The following GALNT13 variants were observed in gnomAD, a reference collection of about 807,000 sequenced individuals.
GALNT13 encodes polypeptide N-acetylgalactosaminyltransferase 13, also known as UDP-GalNAc:polypeptide N-acetylgalactosaminyltransferase 13.
Under a neutral mutation model 64.2 loss-of-function variants are expected in GALNT13, and 28 were observed. That is an observed-to-expected ratio of 0.44 (90% CI 0.32 to 0.60). The LOEUF is 0.60. Ranked by LOEUF, GALNT13 falls within the 20% of genes least tolerant of loss-of-function variation. The pLI is 0.05. For synonymous variants in GALNT13, 214 were observed against 224.6 expected (o/e 0.95, Z 0.42); for missense variants, 577 against 669.8 (o/e 0.86, Z 1.53).
intron 11 of GALNT13, chr2:154,437,699 C>T (rs1460734307): frequency 4.5e-6 from 2 of 444,948 alleles, no homozygotes; most frequent in East Asian, 1.5e-4. Context: ...TACTAAAATA[C>T]AAAACATTAG....
At chr2:153,873,483 G>A (rs995669622) in intron 1 of GALNT13, among the ~76,000 whole-genome samples, 6 of 152,212 alleles carry the variant, frequency 3.9e-5, no homozygotes, top group Non-Finnish European at 4.4e-5. Context: ...GCAGAAGAAC[G>A]GACAGTGAGC....
intron 3 of GALNT13, among the ~76,000 whole-genome samples, chr2:153,983,599 T>A (rs1694610783): frequency 6.6e-6 from 1 of 151,954 alleles, no homozygotes; most frequent in Non-Finnish European, 1.5e-5. Flanking sequence ...AGATTTAAGC[T>A]TTAAGTATTC....
rs1324678564 is a variant in GALNT13 at position 154,453,494 on chromosome 2, C to T, written c.*2943C>T. On this transcript the variant is annotated 3_prime_UTR_variant, in exon 13 of 13. Transcript: ENST00000392825. ...GTTCCCTCTGCCCCAGAGAGCTCCC[C>T]TTAGTGATCTCAGTTCAAATATTAT... 3.3e-5 allele frequency: 5 copies of T among 152,156 alleles called. No individual in the cohort carries two copies. The highest frequency in any genetic ancestry group is 7.3e-5 in the Non-Finnish European group (5 of 68,110). The allele number at this position is 152,156 out of a possible 1,614,324, so 9.4% of individuals were successfully genotyped here.
At chr2:153,444,658 C>T in the GALNT13 span, among the ~76,000 whole-genome samples, 9 of 152,148 alleles carry the variant, frequency 5.9e-5, no homozygotes, top group East Asian at 3.8e-4. Context: ...TAGATAATTT[C>T]GCCCTTTTTG....
At chr2:153,441,357 A>G in the GALNT13 span, among the ~76,000 whole-genome samples, 1 of 152,148 alleles carries the variant, frequency 6.6e-6, no homozygotes, top group African/African-American at 2.4e-5. Context: ...GTAGCCTTGT[A>G]GTATAGTTTG....
intron 9 of GALNT13, among the ~76,000 whole-genome samples, chr2:154,334,075 C>CTT (rs35425837): frequency 6.6e-6 from 1 of 151,544 alleles, no homozygotes; most frequent in Non-Finnish European, 1.5e-5. Context: ...TCATGGATGA[C>CTT]TTTTTTTCTC....
chr2:153,789,345 T>A, the GALNT13 span, among the ~76,000 whole-genome samples: 1 of 107,386 alleles, frequency 9.3e-6, no homozygotes, highest in Admixed American at 9.1e-5. Context: ...CCAGATGACT[T>A]TTTTTGGGTA....
At chr2:153,538,961 C>G in the GALNT13 span, among the ~76,000 whole-genome samples, 29,439 of 70,626 alleles carry the variant, frequency 0.42, 6,951 homozygotes, top group East Asian at 0.69. Context: ...CCTGAGGAAT[C>G]GCCACACTGA....
At chr2:153,551,211 C>G in the GALNT13 span, among the ~76,000 whole-genome samples, 1 of 152,232 alleles carries the variant, frequency 6.6e-6, no homozygotes, top group South Asian at 2.1e-4. Flanking sequence ...TTTTATGCTT[C>G]AGGAAAATCC....
At chr2:154,349,883 A>G (rs1279217418) in intron 9 of GALNT13, among the ~76,000 whole-genome samples, 1 of 152,164 alleles carries the variant, frequency 6.6e-6, no homozygotes, top group Non-Finnish European at 1.5e-5. Flanking sequence ...CTGGATGGAA[A>G]GCAGAAGTAG....
chr2:153,860,779 CCCTGGGGCTTACACTTT>C, the GALNT13 span, among the ~76,000 whole-genome samples: 3 of 152,102 alleles, frequency 2.0e-5, no homozygotes, highest in African/African-American at 7.2e-5. Context: ...TGACAAAAGT[CCCTGGGGCTTACACTTT>C]AAGTGGGAAT....
chr2:153,116,844 G>T, the GALNT13 span, among the ~76,000 whole-genome samples: 1 of 118,948 alleles, frequency 8.4e-6, no homozygotes, highest in Non-Finnish European at 1.6e-5. Flanking sequence ...CTGTCCCCCA[G>T]GCTGGAGTGC....
intron 3 of GALNT13, among the ~76,000 whole-genome samples, chr2:154,117,421 T>C (rs552155640): frequency 6.6e-6 from 1 of 152,298 alleles, no homozygotes; most frequent in South Asian, 2.1e-4. Context: ...CTCACCCTCC[T>C]CTCACCCTTT....
At chr2:154,337,774 C>G (rs1169125933) in intron 9 of GALNT13, among the ~76,000 whole-genome samples, 1 of 151,582 alleles carries the variant, frequency 6.6e-6, no homozygotes, top group Admixed American at 6.6e-5. Flanking sequence ...GAAAGAATTG[C>G]AATTTTATGC....
chr2:153,155,511 G>A, the GALNT13 span, among the ~76,000 whole-genome samples: 1 of 152,112 alleles, frequency 6.6e-6, no homozygotes, highest in African/African-American at 2.4e-5. Context: ...TATGTACATA[G>A]AAGTGTTCAT....
chr2:153,541,647 C>A, the GALNT13 span, among the ~76,000 whole-genome samples: 1 of 152,144 alleles, frequency 6.6e-6, no homozygotes, highest in Non-Finnish European at 1.5e-5. Context: ...GCCATAAGAC[C>A]TTCATTCCAG....
the GALNT13 span, among the ~76,000 whole-genome samples, chr2:153,119,455 T>C: frequency 9.2e-5 from 14 of 152,204 alleles, no homozygotes; most frequent in Admixed American, 3.3e-4. Context: ...AAGTAGTTTC[T>C]AGCTTATATT....
chr2:153,904,865 G>A (rs1688451185), intron 2 of GALNT13, among the ~76,000 whole-genome samples: 2 of 151,696 alleles, frequency 1.3e-5, no homozygotes, highest in African/African-American at 4.8e-5. Context: ...TAGAAGTCAA[G>A]TTCTAGATAT....
At chr2:153,397,450 A>G in the GALNT13 span, among the ~76,000 whole-genome samples, 4 of 152,256 alleles carry the variant, frequency 2.6e-5, no homozygotes, top group Admixed American at 1.3e-4. Flanking sequence ...CTGACTTTTC[A>G]TGAAAACCAA....
Sources: allele counts gnomAD v4.1 joint callset (sites outside exome capture counted in the v4.1 genomes callset), GRCh38; gene constraint gnomAD v4.1.1; transcripts MANE v1.5; gene names NCBI Gene and HGNC (gene_info 2026-07-23, HGNC 2026-07-21).